Variants in DNA2 observed in about 807,000 individuals in gnomAD.
DNA2 encodes the protein DNA replication ATP-dependent helicase/nuclease DNA2.
In DNA2, 101 loss-of-function variants were observed where a neutral mutation model predicts 119.1. The ratio of observed to expected loss-of-function variants is 0.85; its 90% CI spans 0.72 to 1.00. The LOEUF (loss-of-function observed/expected upper bound fraction) is 1.00, where lower values mean the gene tolerates loss of function less well. DNA2 is among the 50% of genes least tolerant of loss of function. The probability of loss-of-function intolerance (pLI) is 0.00; values close to 1 mark genes in which losing one functional copy is unlikely to be tolerated. For missense variants in DNA2, 1,121 were observed against 1,255.5 expected, an observed-to-expected ratio of 0.89 and a Z score of 1.62; for synonymous variants, 366 against 424.4, an observed-to-expected ratio of 0.86 and a Z score of 1.69.
chr10:68,459,414 T>C (rs2052227494), intron 4 of DNA2, among the ~76,000 whole-genome samples, 179 bp from the exon 5 acceptor site: 1 of 152,168 alleles, frequency 6.6e-6, no homozygotes, highest in South Asian at 2.1e-4. Flanking sequence ...TTCCATACAA[T>C]GCAGTATTAT....
At chr10:68,469,390 CA>C (rs71019005) in intron 2 of DNA2, among the ~76,000 whole-genome samples, 5,746 of 75,966 alleles carry the variant, frequency 0.076, 380 homozygotes, top group African/African-American at 0.23. Flanking sequence ...ACTAAAAATA[CA>C]AAAAAAAAAA....
At position 68,468,273 on chromosome 10, in the gene DNA2, AATG is replaced by A; in HGVS notation, c.288_290del (p.Ile97del). The A allele has an allele frequency of 6.2e-7, 1 of 1,608,436 alleles. No individual in the cohort carries two copies. Among genetic ancestry groups the A allele is most frequent in the Non-Finnish European group, 8.5e-7 (1 of 1,177,710 alleles). On this transcript the variant is annotated inframe_deletion, in exon 3 of 21. Coordinates refer to ENST00000358410, the MANE Select transcript of DNA2 (RefSeq NM_001080449.3). ...CAGATGTGCAGTCTCCCTCCAAATG[AATG>A]ATATCTCCTGGCTCTACTGGAACAG...
intron 9 of DNA2, among the ~76,000 whole-genome samples, chr10:68,441,274 C>T (rs1003558006): frequency 6.9e-6 from 1 of 144,614 alleles, no homozygotes; most frequent in Non-Finnish European, 1.5e-5. Flanking sequence ...TTCGAGGCTA[C>T]AGTGAGCCAT....
chr10:68,428,622 G>C (rs2051774742), intron 14 of DNA2, among the ~76,000 whole-genome samples: 1 of 152,154 alleles, frequency 6.6e-6, no homozygotes. Flanking sequence ...TCCATGCTAT[G>C]GAAAAATACT....
intron 4 of DNA2, among the ~76,000 whole-genome samples, chr10:68,462,557 T>C (rs1426697158): frequency 9.6e-6 from 1 of 103,792 alleles, no homozygotes; most frequent in Non-Finnish European, 1.9e-5. Flanking sequence ...TGTTATAAAC[T>C]TACCCTCCCA....
intron 14 of DNA2, among the ~76,000 whole-genome samples, chr10:68,426,294 T>C (rs1357657109): frequency 6.6e-5 from 10 of 151,168 alleles, no homozygotes; most frequent in African/African-American, 2.4e-4. Flanking sequence ...TCCCAGCACT[T>C]TGGGAGACTG....
upstream of DNA2, among the ~76,000 whole-genome samples, chr10:68,472,288 C>T (rs1273032178): frequency 6.6e-6 from 1 of 152,236 alleles, no homozygotes; most frequent in Non-Finnish European, 1.5e-5. Context: ...TTGAACACAA[C>T]CACATTTGTA....
chr10:68,471,977 C>T, upstream of DNA2: 1 of 1,611,906 alleles, frequency 6.2e-7, no homozygotes, highest in Non-Finnish European at 8.5e-7. Flanking sequence ...CGCGCATGCG[C>T]CAACCCGCAG....
At chr10:68,417,181 C>T (rs1424531312) in intron 19 of DNA2, among the ~76,000 whole-genome samples, 1 of 150,310 alleles carries the variant, frequency 6.7e-6, no homozygotes, top group Non-Finnish European at 1.5e-5. Context: ...CTGCTTGAGC[C>T]CAGAAGTCAA....
chr10:68,418,403 C>T (rs1385424071), intron 19 of DNA2, among the ~76,000 whole-genome samples: 1 of 144,500 alleles, frequency 6.9e-6, no homozygotes, highest in Non-Finnish European at 1.5e-5. Flanking sequence ...CAAGAGGAAA[C>T]GCCGTCTCAA....
upstream of DNA2, chr10:68,472,198 C>G (rs1009296351): frequency 6.4e-6 from 8 of 1,255,364 alleles, no homozygotes; most frequent in Admixed American, 7.2e-5. Flanking sequence ...GGGTTCACAC[C>G]ATTCTCCTGC....
chr10:68,444,193 C>T (rs2052007048), intron 8 of DNA2, among the ~76,000 whole-genome samples: 1 of 151,684 alleles, frequency 6.6e-6, no homozygotes, highest in South Asian at 2.1e-4. Context: ...AGATCGAGAC[C>T]ATCCTGGCCA....
intron 4 of DNA2, among the ~76,000 whole-genome samples, chr10:68,460,746 T>A (rs2052247030): frequency 6.6e-6 from 1 of 151,902 alleles, no homozygotes; most frequent in African/African-American, 2.4e-5. Flanking sequence ...CCACAATTTT[T>A]AAAAAACATC....
intron 4 of DNA2, among the ~76,000 whole-genome samples, chr10:68,460,729 C>A (rs926151686): frequency 7.2e-5 from 11 of 151,942 alleles, no homozygotes; most frequent in African/African-American, 2.7e-4. Context: ...TTTTTATGTG[C>A]ATTTAACCAC....
At chr10:68,472,019 T>G (rs772818601), upstream of DNA2, 15 of 1,608,118 alleles carry the variant, frequency 9.3e-6, no homozygotes, top group Non-Finnish European at 1.3e-5. Flanking sequence ...AGGCCGCCCC[T>G]CCCGCGCCGG....
intron 17 of DNA2, 139 bp from the exon 18 acceptor site, chr10:68,420,031 C>G (rs754923260): frequency 2.9e-6 from 2 of 696,362 alleles, no homozygotes; most frequent in Non-Finnish European, 4.8e-6. Context: ...AAAGAATCAA[C>G]AAAAATGAAT....
intron 6 of DNA2, among the ~76,000 whole-genome samples, chr10:68,447,164 C>CA (rs1328953200): frequency 6.6e-6 from 1 of 151,902 alleles, no homozygotes; most frequent in Non-Finnish European, 1.5e-5. Flanking sequence ...AGCATAAAAA[C>CA]AAAAACGTAG....
Position 68,468,125 on chromosome 10 carries a change from TA to T in DNA2, c.438del (p.Phe146LeufsTer12). ...CMRRAVLSET[F>X]RSSDPATRQM... ...CATTAACTGTTACTATTATTTACCC[TA>T]AAAGTTTCACTCAGGACAGCTCTTC... On this transcript the variant is annotated frameshift_variant, in exon 3 of 21. Coordinates refer to ENST00000358410, the MANE Select transcript of DNA2 (RefSeq NM_001080449.3). LOFTEE classifies it high-confidence loss of function. 6.4e-7 allele frequency: 1 copy of T among 1,566,242 alleles called. No homozygotes were observed. Among genetic ancestry groups the T allele is most frequent in the Non-Finnish European group, 8.6e-7 (1 of 1,157,170 alleles).
chr10:68,432,804 G>C (rs987513066), intron 10 of DNA2, among the ~76,000 whole-genome samples: 3 of 152,142 alleles, frequency 2.0e-5, no homozygotes, highest in African/African-American at 7.2e-5. Flanking sequence ...ACCATCCCCA[G>C]AGGGATCCTG....
Sources: gnomAD v4.1 joint callset for allele counts (sites outside exome capture counted in the v4.1 genomes callset) on GRCh38, gnomAD v4.1.1 for gene constraint, MANE v1.5 for transcripts, NCBI Gene and HGNC (gene_info 2026-07-23, HGNC 2026-07-21) for gene names.